The following FBP2 variants were observed in gnomAD, a reference collection of about 807,000 sequenced individuals.
FBP2 encodes the protein fructose-bisphosphatase 2.
In FBP2, 27 loss-of-function variants were observed where a neutral mutation model predicts 31.6. The ratio of observed to expected loss-of-function variants is 0.85; its 90% confidence interval spans 0.63 to 1.18. The LOEUF (loss-of-function observed/expected upper bound fraction) is 1.18. FBP2 is among the 50% of genes most tolerant of loss of function. FBP2 has a pLI of 0.00. For missense variants in FBP2, 421 were observed against 436.1 expected (o/e 0.97, Z 0.31); for synonymous variants, 168 against 179.8 (o/e 0.93, Z 0.53).
intron 6 of FBP2, among the ~76,000 whole-genome samples, chr9:94,561,775 G>A (rs1342644195): frequency 2.6e-5 from 4 of 152,198 alleles, no homozygotes; most frequent in African/African-American, 9.6e-5. Context: ...GAGAGACGTC[G>A]GCACAGGGAC....
At position 94,587,341 on chromosome 9, in the gene FBP2, T is replaced by C. The variant is rs1337350024; in HGVS notation, c.299A>G (p.Asn100Ser). ...CTTGGCGGTGATGATGGCGTCCTTA[T>C]TCTCTTCTGAGACCAGGACGCAGGT... Reference protein sequence around the residue: ...YSTCVLVSEENKDAIITAKEK... With the variant: ...YSTCVLVSEESKDAIITAKEK... Residue 100 changes from asparagine (N) to serine (S), a missense_variant, in exon 2 of 7, where the codon AAT becomes AGT. Physicochemically the swap from Asn to Ser is conservative, Grantham distance 46. Coordinates refer to ENST00000375337, the MANE Select transcript of FBP2 (RefSeq NM_003837.4). The C allele has an allele frequency of 3.1e-6, 5 of 1,613,662 alleles. No homozygotes were observed. The East Asian group carries it at 8.9e-5, about 29-fold the overall frequency.
intron 3 of FBP2, 149 bp from the exon 4 acceptor site, chr9:94,571,751 G>A (rs998693977): frequency 1.9e-5 from 13 of 693,428 alleles, no homozygotes; most frequent in African/African-American, 1.1e-4. Context: ...CAGAGGAAAC[G>A]AGTGGCCATG....
chr9:94,588,800 G>A (rs568844009), intron 1 of FBP2, among the ~76,000 whole-genome samples: 1 of 152,136 alleles, frequency 6.6e-6, no homozygotes, highest in Non-Finnish European at 1.5e-5. Context: ...AGGCACCACC[G>A]TGGAATCTCT....
intron 1 of FBP2, among the ~76,000 whole-genome samples, chr9:94,592,535 T>C (rs1316427303): frequency 6.6e-6 from 1 of 152,124 alleles, no homozygotes; most frequent in Non-Finnish European, 1.5e-5. Flanking sequence ...GGGTTTTGTT[T>C]GTTTGTTTGT....
At chr9:94,583,906 G>A (rs1055042571) in intron 3 of FBP2, among the ~76,000 whole-genome samples, 7 of 152,150 alleles carry the variant, frequency 4.6e-5, no homozygotes, top group East Asian at 1.9e-4. Flanking sequence ...CGCAGCTGGC[G>A]AGGTTGCTAT....
intron 2 of FBP2, among the ~76,000 whole-genome samples, chr9:94,586,230 C>T (rs1259170394): frequency 1.3e-5 from 2 of 152,020 alleles, no homozygotes; most frequent in African/African-American, 4.8e-5. Context: ...CAAAAATTAG[C>T]GGGGCATGGT....
At position 94,571,456 on chromosome 9, in the gene FBP2, A is replaced by T. The variant is rs1827267554; in HGVS notation, c.567+6T>A. On this transcript the variant is annotated splice_donor_region_variant and intron_variant, in intron 4 of 6. Coordinates refer to ENST00000375337, the MANE Select transcript of FBP2 (RefSeq NM_003837.4). ...AGGCACAGATGATGCCATATTCTGT[A>T]CCTACCGGGTCAAGCATGAAGAGGT... 1 of 1,607,666 alleles carries T rather than the reference A, an allele frequency of 6.2e-7. No individual in the cohort carries two copies. The highest frequency in any genetic ancestry group is 8.5e-7 in the Non-Finnish European group (1 of 1,177,174).
chr9:94,593,717 T>C lies in FBP2; in HGVS notation c.10A>G (p.Arg4Gly). The change falls in exon 1 of 7, where the codon AGA becomes GGA. Residue 4 changes from arginine (R) to glycine (G), a missense_variant. Arg to Gly is a moderately radical substitution (Grantham distance 125). Coordinates refer to ENST00000375337, the MANE Select transcript of FBP2 (RefSeq NM_003837.4). The part of the protein sequence containing the change: MTD[R>G]SPFETDMLTL... ...AGCATGTCGGTTTCGAAGGGGCTTCTGTCCGTCATTTTGGCTGGAATGCTT... is the reference window on the plus strand; with the variant it reads ...AGCATGTCGGTTTCGAAGGGGCTTCCGTCCGTCATTTTGGCTGGAATGCTT... 6.2e-7 allele frequency: 1 copy of C among 1,614,152 alleles called. No individual in the cohort carries two copies. Among genetic ancestry groups the C allele is most frequent in the South Asian group, 1.1e-5 (1 of 91,046 alleles).
At chr9:94,593,127 A>G (rs1345104318) in intron 1 of FBP2, among the ~76,000 whole-genome samples, 3 of 152,234 alleles carry the variant, frequency 2.0e-5, no homozygotes, top group South Asian at 2.1e-4. Flanking sequence ...TATGTCGTAC[A>G]TAATTTCCAG....
At chr9:94,588,468 C>CCCTGTCTTTACAAA (rs1255722350) in intron 1 of FBP2, among the ~76,000 whole-genome samples, 2 of 152,006 alleles carry the variant, frequency 1.3e-5, no homozygotes, top group Non-Finnish European at 2.9e-5. Context: ...CAAAAAAATA[C>CCCTGTCTTTACAAA]AAAAATTAGC....
intron 5 of FBP2, 133 bp downstream of exon 5, chr9:94,567,137 A>C: frequency 1.2e-6 from 1 of 807,960 alleles, no homozygotes; most frequent in Non-Finnish European, 2.0e-6. Context: ...GGCAGAGTCC[A>C]TCATCTTCAT....
At chr9:94,563,221 C>G (rs1827134917) in intron 6 of FBP2, 121 bp downstream of exon 6, 1 of 1,150,296 alleles carries the variant, frequency 8.7e-7, no homozygotes, top group Non-Finnish European at 1.2e-6. Flanking sequence ...TTTTTCCTCC[C>G]CTGCCCATCC....
intron 5 of FBP2, among the ~76,000 whole-genome samples, chr9:94,566,864 TTTTAA>T (rs765586255): frequency 1.3e-5 from 2 of 152,232 alleles, no homozygotes; most frequent in Non-Finnish European, 2.9e-5. Flanking sequence ...TTCTAATCTC[TTTTAA>T]TTTCATTTTT....
At position 94,562,184 on chromosome 9, in the gene FBP2, G is replaced by A. The variant is rs1389089975; in HGVS notation, c.825+1158C>T. Among the ~76,000 whole-genome samples the A allele has an allele frequency of 7.9e-5, 12 of 151,946 alleles. No individual in the cohort carries two copies. In the South Asian group the frequency reaches 8.3e-4, roughly 11 times the overall value. ...AAATTAGCCAGGCGTGGTGGCGGGC[G>A]CCTGTAGTCCCAGCTACTCTGAGGC... On this transcript the variant is annotated intron_variant, in intron 6 of 6. Coordinates refer to ENST00000375337, the MANE Select transcript of FBP2 (RefSeq NM_003837.4).
At chr9:94,582,814 C>T (rs1411143328) in intron 3 of FBP2, among the ~76,000 whole-genome samples, 2 of 149,366 alleles carry the variant, frequency 1.3e-5, no homozygotes, top group African/African-American at 2.5e-5. Flanking sequence ...TCCCAAATTG[C>T]TGGGATTACA....
In FBP2 at chr9:94,563,342, C is replaced by T; in HGVS notation, c.825G>A (p.Lys275=). 1 of 1,613,912 alleles carries T rather than the reference C, an allele frequency of 6.2e-7. No individual in the cohort carries two copies. The highest frequency in any genetic ancestry group is 2.2e-5 in the East Asian group (1 of 44,874). The change falls in exon 6 of 7, where the codon AAG becomes AAA. Residue 275 remains lysine, a splice_region_variant and synonymous_variant. Transcript: ENST00000375337. ...CAGCCAGTGGACAAGGGAGAATTACCTTGCCCTTAGGGCTCTTCTGGTTGG... is the reference window on the plus strand; with the variant it reads ...CAGCCAGTGGACAAGGGAGAATTACTTTGCCCTTAGGGCTCTTCTGGTTGG... The part of the protein sequence containing the change: ...YPANQKSPKG[K]LRLLYECNPV...
intron 4 of FBP2, chr9:94,569,485 G>C (rs748290390): frequency 6.6e-6 from 1 of 152,228 alleles, no homozygotes; most frequent in Non-Finnish European, 1.5e-5. Flanking sequence ...GAACAGAGGC[G>C]CTCATTCTGC....
chr9:94,571,685 C>G, intron 3 of FBP2, 83 bp from the exon 4 acceptor site: 1 of 1,250,546 alleles, frequency 8.0e-7, no homozygotes, highest in Non-Finnish European at 1.1e-6. Context: ...TTCAGATCTC[C>G]TCGAATCACT....
chr9:94,567,259 T>G lies in FBP2; in HGVS notation c.705+11A>C, dbSNP rs7036264. 0.015 allele frequency: 24,228 copies of G among 1,613,914 alleles called. 3,000 individuals are homozygous for G. In the African/African-American group the frequency reaches 0.28, roughly 18 times the overall value. On this transcript the variant is annotated intron_variant, in intron 5 of 6. Transcript: ENST00000375337. The stretch of plus-strand genomic sequence containing the variant: ...ATTCTGTCTGCCACCCACCTGGCTT[T>G]CTTCACTCACCTCAGGGAATTTCTT...
Sources: allele counts gnomAD v4.1 joint callset (sites outside exome capture counted in the v4.1 genomes callset), GRCh38; gene constraint gnomAD v4.1.1; transcripts MANE v1.5; gene names NCBI Gene and HGNC (gene_info 2026-07-23, HGNC 2026-07-21).